The following GK5 variants were observed in gnomAD, a reference collection of about 807,000 sequenced individuals.
GK5 encodes ATP:glycerol 3-phosphotransferase 5.
Under a neutral mutation model 77.3 loss-of-function variants are expected in GK5, and 39 were observed. That is an observed-to-expected ratio of 0.50 (90% CI 0.39 to 0.66). The LOEUF (loss-of-function observed/expected upper bound fraction) is 0.66, where lower values mean the gene tolerates loss of function less well. Among genes scored for constraint, GK5 ranks in the 30% least tolerant of loss-of-function variants. The pLI, the probability that GK5 is intolerant of heterozygous loss-of-function variation, is 0.00. For synonymous variants in GK5, 211 were observed against 208.0 expected, an observed-to-expected ratio of 1.01 and a Z score of -0.13; for missense variants, 487 against 633.8, an observed-to-expected ratio of 0.77 and a Z score of 2.49.
chr3:142,225,297 C>T lies in GK5; in HGVS notation c.147+12G>A. The T allele has an allele frequency of 6.5e-7, 1 of 1,529,672 alleles. No individual in the cohort carries two copies. 94.8% of individuals were successfully genotyped at this position (1,529,672 alleles called of 1,614,324 possible). On this transcript the variant is annotated intron_variant, in intron 1 of 15. Transcript: ENST00000392993. ...CAGTCAGACCCGCGCCCCACGCCCGCCCCCAAGTCACCTTCTGCACGCTGG... is the reference window on the plus strand; with the variant it reads ...CAGTCAGACCCGCGCCCCACGCCCGTCCCCAAGTCACCTTCTGCACGCTGG...
chr3:142,197,273 C>T (rs1349150671), intron 5 of GK5, among the ~76,000 whole-genome samples: 1 of 151,940 alleles, frequency 6.6e-6, no homozygotes, highest in African/African-American at 2.4e-5. Context: ...TCAATTCTGT[C>T]CATTTTTGCT....
chr3:142,164,704 T>C lies in GK5; in HGVS notation c.*918A>G, dbSNP rs2063455264. On this transcript the variant is annotated 3_prime_UTR_variant, in exon 16 of 16. Coordinates refer to ENST00000392993, the MANE Select transcript of GK5 (RefSeq NM_001039547.3). ...AGGCAATTCTTAAGTGGTCAATAAA[T>C]TAGGGCACTTCTTCAAATTAAGCTC... 6.6e-6 allele frequency: 1 copy of C among 152,100 alleles called. No homozygotes were observed. The highest frequency in any genetic ancestry group is 2.1e-4 in the South Asian group (1 of 4,832). The allele number at this position is 152,100 out of a possible 1,614,324, so 9.4% of individuals were successfully genotyped here.
chr3:142,167,323 G>A (rs748611142), intron 15 of GK5, among the ~76,000 whole-genome samples: 10 of 151,866 alleles, frequency 6.6e-5, no homozygotes, highest in East Asian at 5.8e-4. Context: ...GCAATGACCC[G>A]AGATCGCACC....
At chr3:142,170,575 T>C in intron 14 of GK5, 117 bp from the exon 15 acceptor site, 1 of 837,842 alleles carries the variant, frequency 1.2e-6, no homozygotes, top group Non-Finnish European at 1.8e-6. Flanking sequence ...TACTTTTTAA[T>C]TCTAAAATTA....
At chr3:142,198,726 A>C in intron 5 of GK5, 76 bp downstream of exon 5, 6 of 1,264,692 alleles carry the variant, frequency 4.7e-6, no homozygotes, top group Non-Finnish European at 6.4e-6. Flanking sequence ...TATTCCTTTA[A>C]TTTTTTCTTC....
chr3:142,174,048 C>T (rs2063576520), intron 12 of GK5, among the ~76,000 whole-genome samples: 1 of 152,036 alleles, frequency 6.6e-6, no homozygotes, highest in African/African-American at 2.4e-5. Flanking sequence ...CCCATCATAC[C>T]ATGCACCACA....
At chr3:142,169,435 G>A (rs2063509651) in intron 15 of GK5, among the ~76,000 whole-genome samples, 1 of 152,150 alleles carries the variant, frequency 6.6e-6, no homozygotes, top group South Asian at 2.1e-4. Context: ...ACCCTGGCCT[G>A]CCTTCCTGAG....
chr3:142,174,330 A>G (rs1341404261), intron 12 of GK5, among the ~76,000 whole-genome samples: 1 of 152,184 alleles, frequency 6.6e-6, no homozygotes, highest in East Asian at 1.9e-4. Context: ...TTAATTTTTC[A>G]AATCTATTAA....
chr3:142,202,379 C>T (rs77757275), intron 4 of GK5, among the ~76,000 whole-genome samples: 14 of 152,268 alleles, frequency 9.2e-5, no homozygotes, highest in Admixed American at 7.2e-4. Context: ...TAGCCTTGGC[C>T]AAACTAATGA....
At chr3:142,178,716 C>T (rs1276544173) in intron 11 of GK5, among the ~76,000 whole-genome samples, 1 of 152,228 alleles carries the variant, frequency 6.6e-6, no homozygotes, top group African/African-American at 2.4e-5. Context: ...AGAAACAGAT[C>T]CCAATGAACA....
In GK5 at chr3:142,158,283, G is replaced by C. The variant is rs2063398548; in HGVS notation, c.*7339C>G. 6.6e-6 allele frequency: 1 copy of C among 152,142 alleles called. No homozygotes were observed. Among genetic ancestry groups the C allele is most frequent in the South Asian group, 2.1e-4 (1 of 4,822 alleles). 9.4% of individuals were successfully genotyped at this position (152,142 alleles called of 1,614,324 possible). On this transcript the variant is annotated 3_prime_UTR_variant, in exon 16 of 16. Coordinates refer to ENST00000392993, the MANE Select transcript of GK5 (RefSeq NM_001039547.3). ...TGTTTTTGCCAAGTTTCACCATGTT[G>C]CCCAGGATATCCTCAAACTCCTGGG...
At chr3:142,201,261 G>A (rs2107789246) in intron 4 of GK5, among the ~76,000 whole-genome samples, 1 of 152,182 alleles carries the variant, frequency 6.6e-6, no homozygotes, top group Admixed American at 6.5e-5. Flanking sequence ...TAAATAAACT[G>A]TGATACAGCT....
intron 5 of GK5, among the ~76,000 whole-genome samples, chr3:142,191,582 A>T (rs2063851202): frequency 6.6e-6 from 1 of 151,766 alleles, no homozygotes; most frequent in African/African-American, 2.4e-5. Context: ...TCTTGCCTGT[A>T]ATCCCAGTAC....
chr3:142,208,982 T>C (rs2064151693), intron 3 of GK5, among the ~76,000 whole-genome samples: 2 of 152,104 alleles, frequency 1.3e-5, no homozygotes, highest in Non-Finnish European at 2.9e-5. Flanking sequence ...ACCCCGTCTC[T>C]ACTAAAAATA....
At chr3:142,185,592 A>T in intron 9 of GK5, 1 of 1,110,152 alleles carries the variant, frequency 9.0e-7, no homozygotes, top group Non-Finnish European at 1.1e-6. Context: ...TCGCCCCATC[A>T]CTGTGTTTTG....
chr3:142,222,182 A>G (rs554256465), intron 1 of GK5, among the ~76,000 whole-genome samples: 8 of 152,368 alleles, frequency 5.3e-5, no homozygotes, highest in Admixed American at 5.2e-4. Flanking sequence ...CCAGGTACTA[A>G]GCAGCAATGT....
chr3:142,216,274 G>A (rs1014025692), intron 1 of GK5, among the ~76,000 whole-genome samples: 13 of 152,172 alleles, frequency 8.5e-5, no homozygotes, highest in African/African-American at 2.9e-4. Flanking sequence ...CACAGAGGAA[G>A]TGCCAGGATA....
At chr3:142,177,993 G>A (rs763809064) in intron 11 of GK5, among the ~76,000 whole-genome samples, 4 of 151,794 alleles carry the variant, frequency 2.6e-5, no homozygotes, top group Non-Finnish European at 5.9e-5. Flanking sequence ...CAAGTAGCTA[G>A]GATTACAAGC....
At chr3:142,224,884 A>G (rs1240135034) in intron 1 of GK5, among the ~76,000 whole-genome samples, 2 of 152,252 alleles carry the variant, frequency 1.3e-5, no homozygotes, top group South Asian at 2.1e-4. Flanking sequence ...AAATGTAAAT[A>G]AAGATGTGGT....
Sources: gnomAD v4.1 joint callset for allele counts (sites outside exome capture counted in the v4.1 genomes callset) on GRCh38, gnomAD v4.1.1 for gene constraint, MANE v1.5 for transcripts, NCBI Gene and HGNC (gene_info 2026-07-23, HGNC 2026-07-21) for gene names.